EXT1: variants seen among roughly 807,000 people sequenced by gnomAD.
EXT1 encodes the protein exostosin-1.
A neutral mutation model predicts 82.5 loss-of-function variants in EXT1; 20 were observed. The observed-to-expected ratio is 0.24, with a 90% CI of 0.17 to 0.35. The LOEUF (loss-of-function observed/expected upper bound fraction) is 0.35. Among genes scored for constraint, EXT1 ranks in the 10% least tolerant of loss-of-function variants. The pLI is 1.00. For synonymous variants in EXT1, 348 were observed against 350.8 expected (o/e 0.99, Z 0.09); for missense variants, 757 against 936.5 (o/e 0.81, Z 2.50).
intron 1 of EXT1, among the ~76,000 whole-genome samples, chr8:117,972,622 G>A (rs1397587765): frequency 6.6e-6 from 1 of 152,158 alleles, no homozygotes; most frequent in Non-Finnish European, 1.5e-5. Context: ...GTTTTGATAC[G>A]TGTATTAGTC....
chr8:117,975,333 C>T (rs1815042048), intron 1 of EXT1, among the ~76,000 whole-genome samples: 1 of 152,048 alleles, frequency 6.6e-6, no homozygotes, highest in Admixed American at 6.6e-5. Context: ...AGAGGCATTC[C>T]AGAAATGTAT....
At chr8:117,864,540 G>A (rs1812740004) in intron 1 of EXT1, among the ~76,000 whole-genome samples, 1 of 152,126 alleles carries the variant, frequency 6.6e-6, no homozygotes, top group Non-Finnish European at 1.5e-5. Context: ...ACGAGGTCAG[G>A]AGATCGAGAC....
At chr8:117,966,135 T>C (rs1218946416) in intron 1 of EXT1, among the ~76,000 whole-genome samples, 4 of 152,130 alleles carry the variant, frequency 2.6e-5, no homozygotes, top group Non-Finnish European at 5.9e-5. Flanking sequence ...TAATCCAATA[T>C]AGAGAAAAGT....
At chr8:117,972,022 T>C (rs909747607) in intron 1 of EXT1, among the ~76,000 whole-genome samples, 2 of 151,984 alleles carry the variant, frequency 1.3e-5, no homozygotes, top group African/African-American at 4.8e-5. Context: ...TGGTGGCGCA[T>C]GCCTCTAATC....
intron 1 of EXT1, among the ~76,000 whole-genome samples, chr8:117,987,811 G>C (rs1287358988): frequency 1.3e-5 from 2 of 152,214 alleles, no homozygotes; most frequent in Non-Finnish European, 2.9e-5. Flanking sequence ...CTGTTGGTCA[G>C]GTGCTGTGGC....
At chr8:118,033,877 A>C (rs1816375726) in intron 1 of EXT1, among the ~76,000 whole-genome samples, 1 of 152,224 alleles carries the variant, frequency 6.6e-6, no homozygotes, top group Non-Finnish European at 1.5e-5. Context: ...TATTAGCAAA[A>C]TCTGTTTGCA....
intron 1 of EXT1, among the ~76,000 whole-genome samples, chr8:117,921,139 A>G (rs1813847237): frequency 1.3e-5 from 2 of 152,176 alleles, no homozygotes; most frequent in Admixed American, 1.3e-4. Flanking sequence ...ATTTCCTGAG[A>G]GTAATGACTA....
At chr8:117,883,935 T>G (rs1247954477) in intron 1 of EXT1, among the ~76,000 whole-genome samples, 1 of 152,224 alleles carries the variant, frequency 6.6e-6, no homozygotes, top group Non-Finnish European at 1.5e-5. Flanking sequence ...GCAAAGTGAC[T>G]TCTGCCTTCA....
intron 1 of EXT1, among the ~76,000 whole-genome samples, chr8:118,099,989 T>C (rs996497583): frequency 3.9e-5 from 6 of 152,046 alleles, no homozygotes; most frequent in Admixed American, 2.0e-4. Flanking sequence ...AAATCAAGAG[T>C]GGCAACATGA....
At chr8:117,831,678 G>A (rs183279391) in intron 3 of EXT1, 17 of 471,008 alleles carry the variant, frequency 3.6e-5, no homozygotes, top group East Asian at 1.4e-4. Context: ...GAAATGCTCC[G>A]TTAGCTGCTT....
At chr8:117,882,699 A>G (rs1450935753) in intron 1 of EXT1, among the ~76,000 whole-genome samples, 1 of 152,052 alleles carries the variant, frequency 6.6e-6, no homozygotes, top group African/African-American at 2.4e-5. Flanking sequence ...TATGGCGGCC[A>G]GGCACAGTGG....
intron 1 of EXT1, among the ~76,000 whole-genome samples, chr8:117,866,165 C>T (rs1044686857): frequency 6.6e-6 from 1 of 152,154 alleles, no homozygotes; most frequent in Non-Finnish European, 1.5e-5. Context: ...GCAGAGGTTG[C>T]AGTGAGCTGA....
At chr8:117,962,853 G>A (rs1054750536) in intron 1 of EXT1, among the ~76,000 whole-genome samples, 4 of 151,652 alleles carry the variant, frequency 2.6e-5, no homozygotes, top group African/African-American at 7.3e-5. Context: ...TTGAGCCCAG[G>A]AGTTCAAGGC....
intron 7 of EXT1, among the ~76,000 whole-genome samples, chr8:117,814,041 A>AAGAAGGAGG (rs949996272): frequency 2.6e-5 from 4 of 151,630 alleles, no homozygotes; most frequent in African/African-American, 7.2e-5. Context: ...AAGAAGAAAG[A>AAGAAGGAGG]AGAAGGAGGA....
At chr8:118,039,869 T>C (rs1379738194) in intron 1 of EXT1, among the ~76,000 whole-genome samples, 1 of 152,162 alleles carries the variant, frequency 6.6e-6, no homozygotes, top group Non-Finnish European at 1.5e-5. Context: ...ATAAAGCCAC[T>C]ACAGTAGAAA....
intron 1 of EXT1, among the ~76,000 whole-genome samples, chr8:117,985,132 G>A (rs892292564): frequency 4.6e-5 from 7 of 152,024 alleles, no homozygotes; most frequent in African/African-American, 1.2e-4. Context: ...TTTGAACACC[G>A]AACCGCTAAC....
chr8:118,043,156 C>T (rs1816562221), intron 1 of EXT1, among the ~76,000 whole-genome samples: 1 of 152,170 alleles, frequency 6.6e-6, no homozygotes, highest in South Asian at 2.1e-4. Flanking sequence ...TTGTGTGGGG[C>T]AGGTTTTCAT....
At chr8:117,920,004 T>C (rs1813824616) in intron 1 of EXT1, among the ~76,000 whole-genome samples, 1 of 152,180 alleles carries the variant, frequency 6.6e-6, no homozygotes, top group South Asian at 2.1e-4. Context: ...CGCCACATCA[T>C]GTTGATAGTT....
rs1817883353 is a variant in EXT1, at chr8:118,110,699, G to A, written c.348C>T (p.Val116=). The change falls in exon 1 of 11, where the codon GTC becomes GTT. Residue 116 remains valine (V), a synonymous_variant. Transcript: ENST00000378204. ...CCCCTTTTTGCTGTGGGTATACGTA[G>A]ACTTTGAAGCCGTTTTTCTTGCAAA... The part of the protein sequence containing the change: ...FTLCKKNGFK[V]YVYPQQKGEK... The A allele has an allele frequency of 1.2e-6, 2 of 1,614,174 alleles. No individual in the cohort carries two copies. The highest frequency in any genetic ancestry group is 1.3e-5 in the African/African-American group (1 of 75,026).
Sources: allele counts gnomAD v4.1 joint callset (sites outside exome capture counted in the v4.1 genomes callset), GRCh38; gene constraint gnomAD v4.1.1; transcripts MANE v1.5; gene names NCBI Gene and HGNC (gene_info 2026-07-23, HGNC 2026-07-21).